Variants in CSMD1 observed in about 807,000 individuals in gnomAD.
CSMD1 encodes the protein CUB and sushi domain-containing protein 1.
Under a neutral mutation model 417.5 loss-of-function variants are expected in CSMD1, and 213 were observed. That is an observed-to-expected ratio of 0.51 (90% CI 0.46 to 0.57). CSMD1 has a LOEUF of 0.57. Among genes scored for constraint, CSMD1 ranks in the 20% least tolerant of loss-of-function variants. CSMD1 has a pLI of 0.00. For synonymous variants in CSMD1, 2,862 were observed against 1,736.8 expected, an observed-to-expected ratio of 1.65 and a Z score of -16.11; for missense variants, 6,923 against 4,529.7, an observed-to-expected ratio of 1.53 and a Z score of -15.17.
chr8:3,800,562 G>C (rs1800399763), intron 5 of CSMD1, among the ~76,000 whole-genome samples: 1 of 152,096 alleles, frequency 6.6e-6, no homozygotes, highest in Non-Finnish European at 1.5e-5. Context: ...GCTTGGATAT[G>C]GTTGTCTCCA....
At chr8:3,786,667 A>G (rs1049667435) in intron 5 of CSMD1, among the ~76,000 whole-genome samples, 1 of 152,182 alleles carries the variant, frequency 6.6e-6, no homozygotes, top group Non-Finnish European at 1.5e-5. Flanking sequence ...ATAAAATACT[A>G]CAGACTTTGT....
chr8:4,542,954 T>C (rs1797464791), intron 2 of CSMD1, among the ~76,000 whole-genome samples: 1 of 152,200 alleles, frequency 6.6e-6, no homozygotes, highest in South Asian at 2.1e-4. Context: ...GTTATAATCA[T>C]GGCATATTTG....
At chr8:4,915,810 C>T (rs755730175) in intron 1 of CSMD1, among the ~76,000 whole-genome samples, 1 of 152,212 alleles carries the variant, frequency 6.6e-6, no homozygotes, top group Non-Finnish European at 1.5e-5. Context: ...TACTTGGCAT[C>T]TTGGCCACAC....
At chr8:3,672,236 A>AT (rs1480666996) in intron 7 of CSMD1, among the ~76,000 whole-genome samples, 2 of 152,148 alleles carry the variant, frequency 1.3e-5, no homozygotes, top group African/African-American at 2.4e-5. Flanking sequence ...TGCTCATAAG[A>AT]TTTTTTAAAA....
chr8:4,209,602 G>T (rs567019917), intron 3 of CSMD1, among the ~76,000 whole-genome samples: 2 of 152,046 alleles, frequency 1.3e-5, no homozygotes, highest in Non-Finnish European at 2.9e-5. Flanking sequence ...CCCTGTCCCC[G>T]TGATGCAGGA....
At chr8:3,521,649 T>C (rs1300660965) in intron 10 of CSMD1, among the ~76,000 whole-genome samples, 1 of 152,226 alleles carries the variant, frequency 6.6e-6, no homozygotes, top group East Asian at 1.9e-4. Flanking sequence ...ACAGGAGGAT[T>C]AAACAGTAAA....
chr8:3,879,560 A>G (rs1172272929), intron 5 of CSMD1, among the ~76,000 whole-genome samples: 4 of 152,166 alleles, frequency 2.6e-5, no homozygotes, highest in South Asian at 2.1e-4. Context: ...GTCATTCTCT[A>G]TTGATATTAC....
intron 26 of CSMD1, among the ~76,000 whole-genome samples, chr8:3,255,522 C>G (rs945071238): frequency 1.3e-5 from 2 of 152,202 alleles, no homozygotes; most frequent in Non-Finnish European, 1.5e-5. Flanking sequence ...CCACCCAGTT[C>G]GAGCTTCCCA....
intron 12 of CSMD1, among the ~76,000 whole-genome samples, chr8:3,419,855 G>A (rs1490068238): frequency 2.0e-5 from 3 of 152,132 alleles, no homozygotes; most frequent in East Asian, 1.9e-4. Flanking sequence ...AAGCAGGATA[G>A]CAAAGTGAGT....
At chr8:3,689,827 C>A (rs376191436) in intron 7 of CSMD1, among the ~76,000 whole-genome samples, 1 of 152,194 alleles carries the variant, frequency 6.6e-6, no homozygotes, top group East Asian at 1.9e-4. Context: ...TGATTCCAAA[C>A]TACTGGGCTC....
chr8:3,052,783 TTC>T (rs71199530), intron 49 of CSMD1, 136 bp from the exon 50 acceptor site: 137,094 of 544,852 alleles, frequency 0.25, 12,325 homozygotes, highest in African/African-American at 0.28. Context: ...TTTTTTTTCT[TTC>T]TTTTTTTTTT....
At chr8:4,341,003 C>T (rs948158668) in intron 3 of CSMD1, among the ~76,000 whole-genome samples, 2 of 152,010 alleles carry the variant, frequency 1.3e-5, no homozygotes, top group African/African-American at 2.4e-5. Context: ...CACAGTCATC[C>T]TATTTTTTCA....
chr8:4,078,180 T>C (rs1269830326), intron 3 of CSMD1, among the ~76,000 whole-genome samples: 3 of 152,220 alleles, frequency 2.0e-5, no homozygotes, highest in African/African-American at 7.2e-5. Context: ...AGTTTGCTAT[T>C]TTCAACTCTT....
intron 8 of CSMD1, among the ~76,000 whole-genome samples, chr8:3,596,309 C>A (rs1409321375): frequency 6.6e-6 from 1 of 152,132 alleles, no homozygotes; most frequent in Non-Finnish European, 1.5e-5. Flanking sequence ...TGAACATGCC[C>A]AGGCAGCAGC....
At chr8:3,893,122 C>G (rs990066711) in intron 5 of CSMD1, among the ~76,000 whole-genome samples, 1 of 151,692 alleles carries the variant, frequency 6.6e-6, no homozygotes, top group African/African-American at 2.4e-5. Flanking sequence ...ATGACAAAAT[C>G]ATCCTCACAC....
chr8:3,701,070 T>C (rs1279729279), intron 7 of CSMD1, among the ~76,000 whole-genome samples: 1 of 148,858 alleles, frequency 6.7e-6, no homozygotes, highest in African/African-American at 2.5e-5. Flanking sequence ...GAGAGAGGGG[T>C]GCTGTGAAGG....
At chr8:4,468,900 C>G (rs1800351374) in intron 2 of CSMD1, among the ~76,000 whole-genome samples, 1 of 151,944 alleles carries the variant, frequency 6.6e-6, no homozygotes. Flanking sequence ...AATATTTTGG[C>G]TAATAGGAAA....
At chr8:3,490,171 T>C (rs1488439322) in intron 11 of CSMD1, among the ~76,000 whole-genome samples, 2 of 152,230 alleles carry the variant, frequency 1.3e-5, no homozygotes, top group Non-Finnish European at 2.9e-5. Context: ...GTGGCTTTTC[T>C]TTCCTCTTCT....
chr8:4,109,216 G>A lies in CSMD1; in HGVS notation c.416-77117C>T, dbSNP rs577085075. Among the ~76,000 whole-genome samples the A allele has an allele frequency of 1.5e-4, 23 of 152,018 alleles. No individual in the cohort carries two copies. The South Asian group carries it at 4.8e-3, about 32-fold the overall frequency. On this transcript the variant is annotated intron_variant, in intron 3 of 69. Coordinates refer to ENST00000635120, the MANE Select transcript of CSMD1 (RefSeq NM_033225.6). ...CCAGAAAAAAATCCTGAATATTTTC[G>A]GTATAGACACAACCATCCATTTTTT...
Sources: allele counts gnomAD v4.1 joint callset (sites outside exome capture counted in the v4.1 genomes callset), GRCh38; gene constraint gnomAD v4.1.1; transcripts MANE v1.5; gene names NCBI Gene and HGNC (gene_info 2026-07-23, HGNC 2026-07-21).